The following FGF14 variants were observed in gnomAD, a reference collection of about 807,000 sequenced individuals.
FGF14 encodes the protein fibroblast growth factor 14.
A neutral mutation model predicts 25.5 loss-of-function variants in FGF14; 5 were observed. The ratio of observed to expected loss-of-function variants is 0.20; its 90% CI spans 0.10 to 0.41. The LOEUF is 0.41. FGF14 is among the 10% of genes least tolerant of loss of function. The pLI is 1.00. For missense variants in FGF14, 222 were observed against 320.1 expected, an observed-to-expected ratio of 0.69 and a Z score of 2.34; for synonymous variants, 138 against 118.3, an observed-to-expected ratio of 1.17 and a Z score of -1.08.
At chr13:102,284,410 G>GA (rs1187822194) in intron 1 of FGF14, among the ~76,000 whole-genome samples, 7 of 152,032 alleles carry the variant, frequency 4.6e-5, no homozygotes, top group African/African-American at 1.7e-4. Context: ...AAGTCTTAAT[G>GA]AAAAAATTCA....
At position 102,163,458 on chromosome 13, in the gene FGF14, C is replaced by T. The variant is rs140971392; in HGVS notation, c.208+238013G>A. Among the ~76,000 whole-genome samples, 70 of 152,154 alleles carry T rather than the reference C, an allele frequency of 4.6e-4. No individual in the cohort carries two copies. The East Asian group carries it at 0.013, about 29-fold the overall frequency. ...GAAAGCAGTGTTGAGGCTCTGCCAT[C>T]GAGGAAGTTTAGAGCAAGTGGAAGG... On this transcript the variant is annotated intron_variant, in intron 1 of 4. Transcript: ENST00000376131.
chr13:102,104,130 G>C (rs371591053), intron 1 of FGF14, among the ~76,000 whole-genome samples: 2 of 152,130 alleles, frequency 1.3e-5, no homozygotes, highest in South Asian at 4.1e-4. Flanking sequence ...TTTTGGTTCT[G>C]TTCTTTCCCC....
chr13:102,290,665 C>G (rs1260245129), intron 1 of FGF14, among the ~76,000 whole-genome samples: 1 of 152,118 alleles, frequency 6.6e-6, no homozygotes, highest in East Asian at 1.9e-4. Flanking sequence ...AGTATTGTGT[C>G]CTTCTGCATA....
At chr13:101,855,618 T>C (rs1294296276) in intron 3 of FGF14, among the ~76,000 whole-genome samples, 2 of 151,954 alleles carry the variant, frequency 1.3e-5, no homozygotes, top group African/African-American at 4.8e-5. Flanking sequence ...CATAATGAAG[T>C]TATTATTTAT....
Position 101,850,277 on chromosome 13 carries a change from TCCAAAAAAAAAAA to T in FGF14, c.408+18435_408+18447del, listed in dbSNP as rs1436958198. ...GGTGAAACCCTGCCTCTACTAAAAA[TCCAAAAAAAAAAA>T]AAAAAAAAAAAAAAATAGCCGGGCA... On this transcript the variant is annotated intron_variant, in intron 3 of 4. Transcript: ENST00000376143. 4.2e-4 allele frequency among the ~76,000 whole-genome samples: 15 copies of T among 35,616 alleles called. 2 individuals carry two copies. In the South Asian group the frequency reaches 4.3e-3, roughly 10 times the overall value. The allele number at this position is 35,616 out of a possible 152,430, so 23.4% of individuals were successfully genotyped here.
chr13:102,072,763 TAGAAAA>T (rs2043204230), intron 1 of FGF14, among the ~76,000 whole-genome samples: 2 of 152,194 alleles, frequency 1.3e-5, no homozygotes, highest in African/African-American at 2.4e-5. Flanking sequence ...ACTCAAATGA[TAGAAAA>T]AGAAAAACAA....
intron 1 of FGF14, among the ~76,000 whole-genome samples, chr13:102,240,321 C>T (rs953998877): frequency 3.3e-5 from 5 of 152,140 alleles, no homozygotes; most frequent in Non-Finnish European, 7.4e-5. Flanking sequence ...ATCTTTGCTA[C>T]TCCCTGCTCT....
rs374966616 is a variant in FGF14 at position 102,215,907 on chromosome 13, T to A, written c.208+185564A>T. Reference sequence around the variant, plus strand: ...TGATGAGTAGCGGTTGACTTTGTAATTTTCAAGTGGCCAAAGCAGATGGAG... The same window carrying A: ...TGATGAGTAGCGGTTGACTTTGTAAATTTCAAGTGGCCAAAGCAGATGGAG... On this transcript the variant is annotated intron_variant, in intron 1 of 4. Transcript: ENST00000376131. Among the ~76,000 whole-genome samples the A allele has an allele frequency of 3.2e-4, 48 of 152,300 alleles. No homozygotes were observed. The East Asian group carries it at 5.8e-3, about 18-fold the overall frequency.
At chr13:102,247,482 A>G (rs1442533211) in intron 1 of FGF14, among the ~76,000 whole-genome samples, 1 of 152,144 alleles carries the variant, frequency 6.6e-6, no homozygotes, top group Admixed American at 6.6e-5. Flanking sequence ...CAAGCCTATG[A>G]AAAAAACCCT....
At chr13:102,305,505 C>A (rs2138616084) in intron 1 of FGF14, among the ~76,000 whole-genome samples, 1 of 152,152 alleles carries the variant, frequency 6.6e-6, no homozygotes, top group Non-Finnish European at 1.5e-5. Context: ...ATATCAAGAC[C>A]AGGACTAAAA....
intron 3 of FGF14, among the ~76,000 whole-genome samples, chr13:101,823,608 T>C (rs1052192254): frequency 4.7e-5 from 7 of 150,430 alleles, no homozygotes; most frequent in Non-Finnish European, 8.9e-5. Flanking sequence ...CAGCTAACTT[T>C]GTATTTTTAG....
intron 1 of FGF14, among the ~76,000 whole-genome samples, chr13:102,386,131 T>A (rs2139201581): frequency 6.6e-6 from 1 of 150,958 alleles, no homozygotes; most frequent in South Asian, 2.1e-4. Flanking sequence ...AAATATACAG[T>A]AATTTTTTTT....
At chr13:102,169,609 T>C (rs1273075584) in intron 1 of FGF14, among the ~76,000 whole-genome samples, 1 of 152,132 alleles carries the variant, frequency 6.6e-6, no homozygotes, top group South Asian at 2.1e-4. Flanking sequence ...AGAACCATAT[T>C]TGCAAATTTA....
intron 1 of FGF14, among the ~76,000 whole-genome samples, chr13:101,948,850 T>A (rs1378520477): frequency 6.6e-6 from 1 of 152,154 alleles, no homozygotes; most frequent in Non-Finnish European, 1.5e-5. Context: ...TGCCTTGAAT[T>A]TTTTAAATAC....
chr13:101,964,197 AG>A (rs1455853072), intron 1 of FGF14, among the ~76,000 whole-genome samples: 1 of 152,188 alleles, frequency 6.6e-6, no homozygotes, highest in Non-Finnish European at 1.5e-5. Context: ...TATTAAATTA[AG>A]GGTTTCCCCT....
intron 1 of FGF14, among the ~76,000 whole-genome samples, chr13:101,986,411 C>T (rs531948893): frequency 1.3e-5 from 2 of 152,234 alleles, no homozygotes; most frequent in East Asian, 3.9e-4. Flanking sequence ...CAATCTTACA[C>T]TGGAGTTGTG....
At position 101,722,404 on chromosome 13, in the gene FGF14, C is replaced by T. The variant is rs913885282; in HGVS notation, c.*427G>A. ...AATCCGTAATAGCACAGGTTTACAG[C>T]GTCTAACTAGAAATTACTCAATATT... On this transcript the variant is annotated 3_prime_UTR_variant, in exon 5 of 5. Transcript: ENST00000376143. 7.1e-6 allele frequency: 2 copies of T among 283,412 alleles called. No homozygotes were observed. Among genetic ancestry groups the T allele is most frequent in the East Asian group, 9.0e-5 (1 of 11,144 alleles). 17.6% of individuals were successfully genotyped at this position (283,412 alleles called of 1,614,324 possible).
chr13:101,907,930 T>TA (rs1566414850), intron 1 of FGF14, among the ~76,000 whole-genome samples: 1 of 151,930 alleles, frequency 6.6e-6, no homozygotes, highest in Non-Finnish European at 1.5e-5. Flanking sequence ...CCAAGTTCAG[T>TA]AAAAAAATAA....
chr13:101,821,109 G>A (rs112816426), intron 3 of FGF14, among the ~76,000 whole-genome samples: 3 of 150,648 alleles, frequency 2.0e-5, no homozygotes, highest in Non-Finnish European at 3.0e-5. Flanking sequence ...CTACCACGCC[G>A]GGCTAATTTT....
Sources: allele counts gnomAD v4.1 joint callset (sites outside exome capture counted in the v4.1 genomes callset), GRCh38; gene constraint gnomAD v4.1.1; transcripts MANE v1.5; gene names NCBI Gene and HGNC (gene_info 2026-07-23, HGNC 2026-07-21).